PDE3A: variants seen among roughly 807,000 people sequenced by gnomAD.
PDE3A encodes the protein cGMP-inhibited 3',5'-cyclic phosphodiesterase 3A.
PDE3A carries 43 observed loss-of-function variants against 98.3 expected under a neutral mutation model. That is an observed-to-expected ratio of 0.44 (90% confidence interval 0.34 to 0.56). The LOEUF is 0.56. Among genes scored for constraint, PDE3A ranks in the 20% least tolerant of loss-of-function variants. The pLI is 0.01. For synonymous variants in PDE3A, 663 were observed against 567.9 expected (o/e 1.17, Z -2.38); for missense variants, 1,427 against 1,440.7 (o/e 0.99, Z 0.15).
At chr12:20,386,370 TTC>T (rs1252624558) in intron 1 of PDE3A, among the ~76,000 whole-genome samples, 250 of 149,684 alleles carry the variant, frequency 1.7e-3, no homozygotes, top group African/African-American at 5.5e-3. Flanking sequence ...TGGTTTGCAT[TTC>T]TCTAATGATC....
chr12:20,627,440 C>T (rs1279333333), intron 5 of PDE3A, among the ~76,000 whole-genome samples: 1 of 152,026 alleles, frequency 6.6e-6, no homozygotes, highest in African/African-American at 2.4e-5. Flanking sequence ...AAGCTGCCAG[C>T]CACTGACCTC....
At chr12:20,600,333 T>C (rs1418495497) in intron 2 of PDE3A, among the ~76,000 whole-genome samples, 1 of 152,194 alleles carries the variant, frequency 6.6e-6, no homozygotes, top group Non-Finnish European at 1.5e-5. Context: ...GCTACGTATC[T>C]TCCCAAACCT....
chr12:20,572,582 C>G (rs61277337), intron 2 of PDE3A, among the ~76,000 whole-genome samples: 3 of 152,000 alleles, frequency 2.0e-5, no homozygotes, highest in Non-Finnish European at 4.4e-5. Context: ...GTCCATCCTT[C>G]TGCATTTTTT....
intron 1 of PDE3A, among the ~76,000 whole-genome samples, chr12:20,488,562 C>T (rs976590197): frequency 2.6e-5 from 4 of 152,076 alleles, no homozygotes; most frequent in African/African-American, 7.2e-5. Context: ...GGTGCAATGG[C>T]TTACACCAGT....
At chr12:20,517,918 A>C (rs1220289764) in intron 1 of PDE3A, among the ~76,000 whole-genome samples, 4 of 152,116 alleles carry the variant, frequency 2.6e-5, no homozygotes, top group Admixed American at 2.6e-4. Context: ...ACAGAAATCC[A>C]CTTAGTAACA....
In PDE3A at chr12:20,685,317, C is replaced by T. The variant is rs1276100046; in HGVS notation, c.*5046C>T. ...ATCCCAGCTACCCAGGAGGCTGAGG[C>T]AGAATCGCTTGAACCTGGGAGGCAG... On this transcript the variant is annotated 3_prime_UTR_variant, in exon 16 of 16. Coordinates refer to ENST00000359062, the MANE Select transcript of PDE3A (RefSeq NM_000921.5). 7.0e-6 allele frequency among the ~76,000 whole-genome samples: 1 copy of T among 142,392 alleles called. No individual in the cohort carries two copies. Among genetic ancestry groups the T allele is most frequent in the Non-Finnish European group, 1.5e-5 (1 of 67,024 alleles). The allele number at this position is 142,392 out of a possible 152,430, so 93.4% of individuals were successfully genotyped here. A position where few individuals can be genotyped will look rare whatever the true frequency, so the allele number is the denominator to read the frequency against.
At chr12:20,535,359 T>C (rs1941721924) in intron 1 of PDE3A, among the ~76,000 whole-genome samples, 1 of 152,200 alleles carries the variant, frequency 6.6e-6, no homozygotes, top group Admixed American at 6.5e-5. Context: ...TTGTGAATTA[T>C]AGCACCTACC....
chr12:20,465,678 G>A (rs1161298370), intron 1 of PDE3A, among the ~76,000 whole-genome samples: 2 of 152,002 alleles, frequency 1.3e-5, no homozygotes, highest in African/African-American at 4.8e-5. Context: ...CAAAGTACTG[G>A]GATTACAGGC....
At chr12:20,573,132 C>T (rs1942842269) in intron 2 of PDE3A, among the ~76,000 whole-genome samples, 1 of 151,902 alleles carries the variant, frequency 6.6e-6, no homozygotes, top group Non-Finnish European at 1.5e-5. Context: ...TGTAACAAAA[C>T]ATAAAAGATT....
chr12:20,583,931 G>A (rs189961782), intron 2 of PDE3A, among the ~76,000 whole-genome samples: 23 of 152,324 alleles, frequency 1.5e-4, no homozygotes, highest in Middle Eastern at 3.4e-3. Context: ...AGTACAAAGA[G>A]TTTGACTGAT....
Position 20,652,253 on chromosome 12 carries a change from G to A in PDE3A, c.2925+1653G>A, listed in dbSNP as rs558796532. 1.2e-3 allele frequency among the ~76,000 whole-genome samples: 188 copies of A among 152,308 alleles called. 1 individual carries two copies. The highest frequency in any genetic ancestry group is 4.4e-3 in the African/African-American group (182 of 41,548). On this transcript the variant is annotated intron_variant, in intron 14 of 15. Coordinates refer to ENST00000359062, the MANE Select transcript of PDE3A (RefSeq NM_000921.5). Reference sequence around the variant, plus strand: ...TACATGTGCATGTGTCTTTATAGCAGCATGATTTGTAGTCCTTTGGGTATA... The same window carrying A: ...TACATGTGCATGTGTCTTTATAGCAACATGATTTGTAGTCCTTTGGGTATA...
intron 10 of PDE3A, among the ~76,000 whole-genome samples, chr12:20,641,650 G>C (rs111976376): frequency 6.6e-6 from 1 of 152,066 alleles, no homozygotes; most frequent in Non-Finnish European, 1.5e-5. Context: ...CTTTTTCACA[G>C]GTGGTATATC....
chr12:20,506,038 G>A (rs1394005151), intron 1 of PDE3A, among the ~76,000 whole-genome samples: 11 of 151,764 alleles, frequency 7.2e-5, no homozygotes, highest in Non-Finnish European at 4.4e-5. Flanking sequence ...TATTTAATAA[G>A]TATTGAAATA....
intron 15 of PDE3A, among the ~76,000 whole-genome samples, chr12:20,666,393 G>T (rs528723058): frequency 3.3e-5 from 5 of 152,180 alleles, no homozygotes; most frequent in Non-Finnish European, 2.9e-5. Context: ...TAGTATGTTT[G>T]TGCTCATTAA....
intron 1 of PDE3A, among the ~76,000 whole-genome samples, chr12:20,390,880 A>G (rs572218201): frequency 1.7e-4 from 26 of 152,056 alleles, no homozygotes; most frequent in East Asian, 1.5e-3. Flanking sequence ...GGACATTTCA[A>G]TTTGTGCAAA....
At chr12:20,524,863 G>A (rs984804614) in intron 1 of PDE3A, among the ~76,000 whole-genome samples, 1 of 151,988 alleles carries the variant, frequency 6.6e-6, no homozygotes, top group African/African-American at 2.4e-5. Context: ...GGCCGGGCTC[G>A]GTGGCTCACG....
At chr12:20,433,745 A>G (rs1294687204) in intron 1 of PDE3A, among the ~76,000 whole-genome samples, 1 of 152,210 alleles carries the variant, frequency 6.6e-6, no homozygotes, top group Admixed American at 6.5e-5. Flanking sequence ...TTCTGTAACT[A>G]CATAGACAAA....
intron 12 of PDE3A, among the ~76,000 whole-genome samples, chr12:20,647,208 T>A (rs922834299): frequency 6.6e-6 from 1 of 152,212 alleles, no homozygotes; most frequent in Non-Finnish European, 1.5e-5. Flanking sequence ...CTTGAATTCA[T>A]GTTAATGGAC....
chr12:20,538,354 G>A (rs1038407953), intron 1 of PDE3A, among the ~76,000 whole-genome samples: 2 of 152,038 alleles, frequency 1.3e-5, no homozygotes, highest in East Asian at 3.9e-4. Context: ...TCTGGACAGG[G>A]AAAATAGGAA....
Sources: allele counts gnomAD v4.1 joint callset (sites outside exome capture counted in the v4.1 genomes callset), GRCh38; gene constraint gnomAD v4.1.1; transcripts MANE v1.5; gene names NCBI Gene and HGNC (gene_info 2026-07-23, HGNC 2026-07-21).